PHACTR1: variants seen among roughly 807,000 people sequenced by gnomAD.
PHACTR1 encodes RPEL repeat containing 1.
Under a neutral mutation model 69.2 loss-of-function variants are expected in PHACTR1, and 16 were observed. That is an observed-to-expected ratio of 0.23 (90% CI 0.16 to 0.35). PHACTR1 has a LOEUF of 0.35. Ranked by LOEUF, PHACTR1 falls within the 10% of genes least tolerant of loss-of-function variation. PHACTR1 has a pLI of 1.00. For synonymous variants in PHACTR1, 312 were observed against 284.5 expected (o/e 1.10, Z -0.97); for missense variants, 510 against 734.7 (o/e 0.69, Z 3.54).
chr6:12,805,710 C>T (rs906122227), intron 4 of PHACTR1, among the ~76,000 whole-genome samples: 1 of 151,994 alleles, frequency 6.6e-6, no homozygotes, highest in South Asian at 2.1e-4. Flanking sequence ...AAGCAATTCT[C>T]CTGCCTCCGT....
In PHACTR1 at chr6:13,136,917, G is replaced by A. The variant is rs117767736; in HGVS notation, c.416-23287G>A. On this transcript the variant is annotated intron_variant, in intron 5 of 14. Transcript: ENST00000332995. ...CAATAGTAACATCAAAGATCAGATCGCCATAATTACAGATCACCATAACAG... is the reference window on the plus strand; with the variant it reads ...CAATAGTAACATCAAAGATCAGATCACCATAATTACAGATCACCATAACAG... Among the ~76,000 whole-genome samples the A allele has an allele frequency of 4.8e-3, 730 of 152,228 alleles. 10 individuals are homozygous for A. The highest frequency in any genetic ancestry group is 0.036 in the East Asian group (184 of 5,176).
chr6:13,023,744 G>C (rs1005327377), intron 4 of PHACTR1, among the ~76,000 whole-genome samples: 13 of 152,166 alleles, frequency 8.5e-5, no homozygotes, highest in African/African-American at 3.1e-4. Context: ...GAAGGGGAAA[G>C]CAAAAGTGAA....
intron 3 of PHACTR1, among the ~76,000 whole-genome samples, chr6:12,720,321 A>T (rs1369357274): frequency 6.6e-6 from 1 of 152,224 alleles, no homozygotes; most frequent in Non-Finnish European, 1.5e-5. Flanking sequence ...CAAAACAGAA[A>T]GGGGGGCAGC....
At chr6:13,040,523 G>A (rs1326530295) in intron 4 of PHACTR1, among the ~76,000 whole-genome samples, 1 of 152,128 alleles carries the variant, frequency 6.6e-6, no homozygotes, top group Admixed American at 6.5e-5. Context: ...AATTCAACTT[G>A]GGGAAAATTC....
chr6:13,286,017 T>A, intron 13 of PHACTR1, 129 bp from the exon 14 acceptor site: 1 of 721,406 alleles, frequency 1.4e-6, no homozygotes, highest in Non-Finnish European at 2.2e-6. Flanking sequence ...TTCCTCCCAA[T>A]GAAAGAATCC....
At chr6:12,802,316 T>C (rs911123141) in intron 4 of PHACTR1, among the ~76,000 whole-genome samples, 36 of 151,986 alleles carry the variant, frequency 2.4e-4, no homozygotes, top group African/African-American at 8.0e-4. Flanking sequence ...ATACTCCTCA[T>C]TGGCAATTTA....
intron 7 of PHACTR1, among the ~76,000 whole-genome samples, chr6:13,184,157 T>G (rs972903036): frequency 2.6e-5 from 4 of 152,236 alleles, no homozygotes; most frequent in Non-Finnish European, 5.9e-5. Context: ...GAGAGGCTGC[T>G]GCTCAGCGCC....
At chr6:13,061,517 G>A (rs1253800537) in intron 5 of PHACTR1, among the ~76,000 whole-genome samples, 2 of 152,174 alleles carry the variant, frequency 1.3e-5, no homozygotes, top group East Asian at 1.9e-4. Flanking sequence ...GTAAACAGCT[G>A]CATTCTTGAA....
At chr6:12,770,356 A>G (rs1581672768) in intron 4 of PHACTR1, among the ~76,000 whole-genome samples, 1 of 152,168 alleles carries the variant, frequency 6.6e-6, no homozygotes, top group Admixed American at 6.5e-5. Flanking sequence ...GGGATTGTAA[A>G]CAGATGGTGA....
chr6:12,882,092 C>T (rs1783156645), intron 4 of PHACTR1, among the ~76,000 whole-genome samples: 1 of 152,104 alleles, frequency 6.6e-6, no homozygotes, highest in Non-Finnish European at 1.5e-5. Context: ...GCTTCGTTCA[C>T]TGTGAGGATG....
At chr6:12,881,860 G>T (rs559973282) in intron 4 of PHACTR1, among the ~76,000 whole-genome samples, 1 of 152,278 alleles carries the variant, frequency 6.6e-6, no homozygotes, top group South Asian at 2.1e-4. Context: ...AGGGCAAAAG[G>T]TCAGGATCCA....
chr6:13,241,165 G>A (rs1340151918), intron 10 of PHACTR1, among the ~76,000 whole-genome samples: 1 of 152,222 alleles, frequency 6.6e-6, no homozygotes, highest in Non-Finnish European at 1.5e-5. Context: ...ATGTGCAAAT[G>A]TACTCAAGGG....
intron 5 of PHACTR1, among the ~76,000 whole-genome samples, chr6:13,105,308 G>A (rs1583378431): frequency 1.3e-5 from 2 of 152,114 alleles, no homozygotes; most frequent in East Asian, 3.9e-4. Context: ...GTGCCCAGAG[G>A]GTTGAGGCTA....
intron 10 of PHACTR1, among the ~76,000 whole-genome samples, chr6:13,257,320 C>T (rs1775317892): frequency 6.6e-6 from 1 of 152,184 alleles, no homozygotes; most frequent in East Asian, 1.9e-4. Context: ...CAGTCACCTC[C>T]CACCAGGCTG....
chr6:12,773,138 T>C (rs2127630343), intron 4 of PHACTR1, among the ~76,000 whole-genome samples: 1 of 152,328 alleles, frequency 6.6e-6, no homozygotes, highest in South Asian at 2.1e-4. Flanking sequence ...AGCCAGTCAT[T>C]GGTGTTCAAT....
At chr6:13,018,327 A>G (rs1045631369) in intron 4 of PHACTR1, among the ~76,000 whole-genome samples, 3 of 152,172 alleles carry the variant, frequency 2.0e-5, no homozygotes, top group African/African-American at 7.2e-5. Context: ...GCAGTTTTCA[A>G]TTGGGGTTCA....
intron 4 of PHACTR1, among the ~76,000 whole-genome samples, chr6:12,951,330 G>A (rs1791266372): frequency 6.6e-6 from 1 of 152,212 alleles, no homozygotes; most frequent in African/African-American, 2.4e-5. Context: ...AAACAGGCTA[G>A]TCTAAGTTTA....
intron 6 of PHACTR1, among the ~76,000 whole-genome samples, chr6:13,160,620 A>G (rs958774586): frequency 6.6e-6 from 1 of 152,234 alleles, no homozygotes; most frequent in African/African-American, 2.4e-5. Flanking sequence ...TCACCTGTTT[A>G]GGCCCTTTCA....
chr6:12,744,065 A>G (rs1765451566), intron 3 of PHACTR1, among the ~76,000 whole-genome samples: 1 of 152,238 alleles, frequency 6.6e-6, no homozygotes, highest in South Asian at 2.1e-4. Context: ...TACTGGGTAC[A>G]TCACGAAATG....
Sources: allele counts gnomAD v4.1 joint callset (sites outside exome capture counted in the v4.1 genomes callset), GRCh38; gene constraint gnomAD v4.1.1; transcripts MANE v1.5; gene names NCBI Gene and HGNC (gene_info 2026-07-23, HGNC 2026-07-21).